EWSR1: variants seen among roughly 807,000 people sequenced by gnomAD.
The protein encoded by EWSR1 is RNA-binding protein EWS.
EWSR1 carries 14 observed loss-of-function variants against 92.1 expected under a neutral mutation model. That is an observed-to-expected ratio of 0.15 (90% CI 0.10 to 0.24). EWSR1 has a LOEUF of 0.24. Ranked by LOEUF, EWSR1 falls within the 10% of genes least tolerant of loss-of-function variation. EWSR1 has a pLI of 1.00. For synonymous variants in EWSR1, 303 were observed against 292.9 expected, an observed-to-expected ratio of 1.03 and a Z score of -0.35; for missense variants, 637 against 870.9, an observed-to-expected ratio of 0.73 and a Z score of 3.38.
rs776719865 is a variant in EWSR1 at position 29,296,233 on chromosome 22, G to A, written c.1165-6G>A. 3.1e-6 allele frequency: 5 copies of A among 1,613,480 alleles called. No homozygotes were observed. The highest frequency in any genetic ancestry group is 4.2e-6 in the Non-Finnish European group (5 of 1,179,770). On this transcript the variant is annotated splice_polypyrimidine_tract_variant and splice_region_variant and intron_variant, in intron 11 of 16. Transcript: ENST00000397938. ...GTCATGCCTAACTATGCTATTCTTT[G>A]TCTAGATGAACAAGAGAACTGGGCA...
In EWSR1 at chr22:29,296,229, CT is replaced by C. The variant is rs768004875; in HGVS notation, c.1165-7del. ...TCTAGTCATGCCTAACTATGCTATT[CT>C]TTGTCTAGATGAACAAGAGAACTGG... On this transcript the variant is annotated splice_polypyrimidine_tract_variant and intron_variant, in intron 11 of 16. Coordinates refer to ENST00000397938, the MANE Select transcript of EWSR1 (RefSeq NM_005243.4). 12 of 1,613,188 alleles carry C rather than the reference CT, an allele frequency of 7.4e-6. No individual in the cohort carries two copies. The highest frequency in any genetic ancestry group is 9.3e-6 in the Non-Finnish European group (11 of 1,179,692).
chr22:29,281,060 T>C (rs550714295), intron 5 of EWSR1, among the ~76,000 whole-genome samples: 1 of 151,758 alleles, frequency 6.6e-6, no homozygotes, highest in East Asian at 1.9e-4. Flanking sequence ...TTTGTATTTT[T>C]AGTAGAGACA....
intron 11 of EWSR1, among the ~76,000 whole-genome samples, chr22:29,293,229 A>G (rs940417993): frequency 2.6e-5 from 4 of 151,918 alleles, no homozygotes; most frequent in African/African-American, 7.3e-5. Context: ...GCTGGTCTCT[A>G]ACTCCTGGCC....
In EWSR1 at chr22:29,297,903, T is replaced by A. The variant is rs1411646697; in HGVS notation, c.1371T>A (p.Gly457=). The change falls in exon 13 of 17, where the codon GGT becomes GGA. Residue 457 remains glycine, a synonymous_variant. Transcript: ENST00000397938. ...CTCCAATGAACAGTATGCGGGGTGG[T>A]CTGCCACCCCGTGAGGGCAGAGGCA... The part of the protein sequence containing the change: ...KKPPMNSMRG[G]LPPREGRGMP... The A allele has an allele frequency of 2.5e-6, 4 of 1,613,706 alleles. No individual in the cohort carries two copies. Among genetic ancestry groups the A allele is most frequent in the Non-Finnish European group, 3.4e-6 (4 of 1,179,790 alleles).
At chr22:29,294,190 G>A (rs74985940) in intron 11 of EWSR1, among the ~76,000 whole-genome samples, 3,747 of 152,108 alleles carry the variant, frequency 0.025, 142 homozygotes, top group African/African-American at 0.087. Context: ...AAAGACTATC[G>A]ATTTCCTTAA....
chr22:29,270,993 T>A (rs2058632733), intron 1 of EWSR1, among the ~76,000 whole-genome samples: 1 of 152,146 alleles, frequency 6.6e-6, no homozygotes. Flanking sequence ...TCCAGTAAAG[T>A]ACAGAGAGGT....
chr22:29,292,526 G>A lies in EWSR1; in HGVS notation c.1084G>A (p.Ala362Thr), dbSNP rs758074601. ...TCCAGATGAAGACTCTGACAACAGT[G>A]CAATTTATGTACAAGGATTAAATGA... The part of the protein sequence containing the change: ...VDPDEDSDNS[A>T]IYVQGLNDSV... The change falls in exon 11 of 17, where the codon GCA (alanine) becomes ACA (threonine). Residue 362 changes from alanine to threonine, a missense_variant. Around this residue, in one of 5 missense-constraint regions of EWSR1, gnomAD observed 363 missense variants for 447.8 expected, o/e 0.81. Coordinates refer to ENST00000397938, the MANE Select transcript of EWSR1 (RefSeq NM_005243.4). The A allele has an allele frequency of 1.2e-6, 2 of 1,613,748 alleles. No homozygotes were observed. The highest frequency in any genetic ancestry group is 1.3e-5 in the African/African-American group (1 of 74,910).
chr22:29,268,857 A>G (rs946739956), intron 1 of EWSR1, among the ~76,000 whole-genome samples: 3 of 152,220 alleles, frequency 2.0e-5, no homozygotes, highest in African/African-American at 4.8e-5. Flanking sequence ...GTGCCGGCCT[A>G]TGAGCGGGAG....
intron 6 of EWSR1, 94 bp downstream of exon 6, chr22:29,282,651 T>C: frequency 3.8e-6 from 4 of 1,066,576 alleles, no homozygotes; most frequent in Non-Finnish European, 5.2e-6. Flanking sequence ...AGCTAAGGTA[T>C]GTTATCTGAC....
chr22:29,280,684 T>G (rs2059493451), intron 5 of EWSR1, among the ~76,000 whole-genome samples: 1 of 151,192 alleles, frequency 6.6e-6, no homozygotes. Context: ...GTTTTTTTTT[T>G]TTTTTTAAGA....
intron 7 of EWSR1, 55 bp downstream of exon 7, chr22:29,287,189 G>C: frequency 1.3e-6 from 2 of 1,538,862 alleles, no homozygotes; most frequent in Non-Finnish European, 1.8e-6. Context: ...GAGTTTTTTT[G>C]TGGGGTTGAT....
At chr22:29,290,046 A>G in intron 8 of EWSR1, 1 of 239,708 alleles carries the variant, frequency 4.2e-6, no homozygotes, top group African/African-American at 2.2e-5. Flanking sequence ...TTGCAAATAC[A>G]ATTTCAAGTT....
At chr22:29,276,519 T>A (rs2059136753) in intron 4 of EWSR1, 1 of 223,936 alleles carries the variant, frequency 4.5e-6, no homozygotes, top group South Asian at 1.8e-4. Context: ...CTGATACTTG[T>A]TTCTGGCCAG....
At chr22:29,277,387 AT>A (rs1196159590) in intron 4 of EWSR1, 1 of 223,256 alleles carries the variant, frequency 4.5e-6, no homozygotes, top group Non-Finnish European at 8.9e-6. Context: ...ATTTTAAATA[AT>A]TTACAAAAAA....
chr22:29,284,829 G>GT (rs2059898119), intron 6 of EWSR1, among the ~76,000 whole-genome samples: 2 of 151,214 alleles, frequency 1.3e-5, no homozygotes, highest in South Asian at 2.1e-4. Context: ...GTTTTGTTTT[G>GT]TTTTTTTGAG....
intron 1 of EWSR1, chr22:29,269,725 A>G (rs2058501488): frequency 6.6e-6 from 1 of 152,302 alleles, no homozygotes; most frequent in Admixed American, 6.5e-5. Context: ...CCGGTAGAAG[A>G]GAGGACTGAA....
chr22:29,288,195 C>CA (rs1169408444), intron 7 of EWSR1, among the ~76,000 whole-genome samples: 1 of 152,154 alleles, frequency 6.6e-6, no homozygotes, highest in African/African-American at 2.4e-5. Context: ...CTCAACAACT[C>CA]AAAGGAGTAG....
Position 29,300,507 on chromosome 22 carries a change from AAATGTTTAT to A in EWSR1, c.*349_*357del, listed in dbSNP as rs1239023152. The A allele has an allele frequency of 4.4e-6, 1 of 226,008 alleles. No individual in the cohort carries two copies. The highest frequency in any genetic ancestry group is 8.7e-6 in the Non-Finnish European group (1 of 115,448). 14.0% of individuals were successfully genotyped at this position (226,008 alleles called of 1,614,324 possible). A position where few individuals can be genotyped will look rare whatever the true frequency, so the allele number is the denominator to read the frequency against. On this transcript the variant is annotated 3_prime_UTR_variant, in exon 17 of 17. Transcript: ENST00000397938. ...TTTTTTTTTTTTTAAATAAAATTCC[AAATGTTTAT>A]AAAGAGTCATCCTTCTCGGCCTCTG...
At position 29,268,355 on chromosome 22, in the gene EWSR1, T is replaced by A. The variant is rs199648590; in HGVS notation, c.13+6T>A. 4.3e-6 allele frequency: 7 copies of A among 1,613,674 alleles called. No individual in the cohort carries two copies. The highest frequency in any genetic ancestry group is 5.9e-6 in the Non-Finnish European group (7 of 1,179,884). ...AGAGAAAATGGCGTCCACGGGTGAG[T>A]ATGGTGGAACTGCGGTCGCGCCGGC... On this transcript the variant is annotated splice_donor_region_variant and intron_variant, in intron 1 of 16. Coordinates refer to ENST00000397938, the MANE Select transcript of EWSR1 (RefSeq NM_005243.4).
Sources: allele counts gnomAD v4.1 joint callset (sites outside exome capture counted in the v4.1 genomes callset), GRCh38; gene constraint gnomAD v4.1.1; regional missense constraint gnomAD v4.1.1; transcripts MANE v1.5; gene names NCBI Gene and HGNC (gene_info 2026-07-23, HGNC 2026-07-21).